CIROZ: variants seen among roughly 807,000 people sequenced by gnomAD.
CIROZ encodes ciliated left-right organizer ZP-N domains-containing protein.
chr1:10,950,030 C>CTTTT, the CIROZ span, among the ~76,000 whole-genome samples: 34 of 101,682 alleles, frequency 3.3e-4, no homozygotes, highest in East Asian at 1.5e-3. Flanking sequence ...CATCAAGATT[C>CTTTT]TTTTTTTTTT....
At chr1:10,972,210 T>C in the CIROZ span, among the ~76,000 whole-genome samples, 1 of 152,136 alleles carries the variant, frequency 6.6e-6, no homozygotes, top group Non-Finnish European at 1.5e-5. Flanking sequence ...TTTCCCCCAA[T>C]AGAGCCCTGC....
At chr1:10,965,917 G>C in the CIROZ span, among the ~76,000 whole-genome samples, 1 of 152,072 alleles carries the variant, frequency 6.6e-6, no homozygotes, top group Non-Finnish European at 1.5e-5. Flanking sequence ...GCCTGTGCAA[G>C]TGAGGGCTGT....
At chr1:10,958,530 G>C in the CIROZ span, among the ~76,000 whole-genome samples, 6 of 152,294 alleles carry the variant, frequency 3.9e-5, no homozygotes, top group East Asian at 7.7e-4. Context: ...TCTGCCTGGA[G>C]GGCATCAGTG....
the CIROZ span, among the ~76,000 whole-genome samples, chr1:10,971,745 G>A: frequency 2.8e-4 from 43 of 152,230 alleles, no homozygotes; most frequent in African/African-American, 8.2e-4. Flanking sequence ...AGGTTGTCTC[G>A]CACTGAGGCA....
the CIROZ span, among the ~76,000 whole-genome samples, chr1:10,959,355 A>G: frequency 6.6e-6 from 1 of 152,116 alleles, no homozygotes. The surrounding 1 kb of genome is among the most constrained non-coding windows in gnomAD (Gnocchi z 4.3). Flanking sequence ...CCTGAGTCTC[A>G]CAGCCATCCC....
chr1:10,964,231 C>T, the CIROZ span: 2 of 1,614,060 alleles, frequency 1.2e-6, no homozygotes, highest in East Asian at 4.5e-5. Context: ...CCCCATCACC[C>T]CTTTCTGAAA....
chr1:10,981,203 C>T, the CIROZ span, among the ~76,000 whole-genome samples: 1 of 152,194 alleles, frequency 6.6e-6, no homozygotes, highest in Non-Finnish European at 1.5e-5. Context: ...AATCCCAATA[C>T]TTTGGGAGGC....
At chr1:10,956,621 C>G in the CIROZ span, among the ~76,000 whole-genome samples, 9 of 151,740 alleles carry the variant, frequency 5.9e-5, no homozygotes, top group Admixed American at 5.3e-4. Context: ...GACTACAGGC[C>G]CCCGCCACCA....
chr1:10,954,036 C>T, the CIROZ span: 6 of 1,612,612 alleles, frequency 3.7e-6, no homozygotes, highest in Admixed American at 5.0e-5. Flanking sequence ...CTGGAAGAAG[C>T]TCTCCACTGT....
the CIROZ span, among the ~76,000 whole-genome samples, chr1:10,972,463 A>ACT: frequency 6.7e-6 from 1 of 149,774 alleles, no homozygotes; most frequent in Non-Finnish European, 1.5e-5. Flanking sequence ...ACACACACAC[A>ACT]CACTCTAGAA....
At chr1:10,966,598 G>A in the CIROZ span, 1 of 1,170,832 alleles carries the variant, frequency 8.5e-7, no homozygotes. Flanking sequence ...CTTCTTACCT[G>A]GAAGGGATAA....
At chr1:10,954,977 A>T in the CIROZ span, 1 of 1,592,024 alleles carries the variant, frequency 6.3e-7, no homozygotes, top group South Asian at 1.1e-5. Flanking sequence ...CAGAGATGCC[A>T]CCGGATACTC....
the CIROZ span, chr1:10,954,287 T>A: frequency 5.4e-6 from 5 of 929,542 alleles, no homozygotes; most frequent in Admixed American, 1.1e-4. Flanking sequence ...ACCCTGTCTC[T>A]ACTAAAAACA....
chr1:10,979,808 G>A, the CIROZ span, among the ~76,000 whole-genome samples: 1 of 152,226 alleles, frequency 6.6e-6, no homozygotes, highest in Non-Finnish European at 1.5e-5. Context: ...AGCACTTTGG[G>A]AAGCGGAGGC....
the CIROZ span, among the ~76,000 whole-genome samples, chr1:10,960,993 T>A: frequency 1.3e-5 from 2 of 151,564 alleles, no homozygotes; most frequent in Non-Finnish European, 3.0e-5. This position sits in a 1 kb window ranked among gnomAD's most constrained non-coding sequence, Gnocchi z 4.6. Context: ...TGTTTACGGA[T>A]GCAGAGCCCC....
the CIROZ span, among the ~76,000 whole-genome samples, chr1:10,958,059 G>A: frequency 2.0e-5 from 3 of 152,230 alleles, no homozygotes; most frequent in Non-Finnish European, 4.4e-5. Flanking sequence ...CCCCTATGCC[G>A]CCCTGGCTGG....
At chr1:10,966,699 C>G in the CIROZ span, among the ~76,000 whole-genome samples, 6 of 152,170 alleles carry the variant, frequency 3.9e-5, no homozygotes, top group African/African-American at 1.4e-4. Flanking sequence ...GAATCCAACC[C>G]CATCTCCCCA....
At chr1:10,951,537 ACT>A in the CIROZ span, among the ~76,000 whole-genome samples, 3 of 147,788 alleles carry the variant, frequency 2.0e-5, no homozygotes, top group African/African-American at 7.6e-5. Context: ...CAAGAGTGAG[ACT>A]CTGTCTCGGG....
the CIROZ span, chr1:10,949,384 G>A: frequency 7.1e-6 from 4 of 563,920 alleles, no homozygotes; most frequent in East Asian, 3.1e-5. Flanking sequence ...GGAGGCTGCC[G>A]TGATCCAGGC....
Sources: allele counts gnomAD v4.1 joint callset (sites outside exome capture counted in the v4.1 genomes callset), GRCh38; gene constraint gnomAD v4.1.1; non-coding constraint Gnocchi (gnomAD v3.1); transcripts MANE v1.5; gene names NCBI Gene and HGNC (gene_info 2026-07-23, HGNC 2026-07-21).